SACM1L: variants seen among roughly 807,000 people sequenced by gnomAD.
The protein encoded by SACM1L is phosphatidylinositol-3-phosphatase SAC1.
Under a neutral mutation model 89.5 loss-of-function variants are expected in SACM1L, and 32 were observed. The ratio of observed to expected loss-of-function variants is 0.36; its 90% CI spans 0.27 to 0.48. The LOEUF (loss-of-function observed/expected upper bound fraction) is 0.48, where lower values mean the gene tolerates loss of function less well. Among genes scored for constraint, SACM1L ranks in the 20% least tolerant of loss-of-function variants. The pLI, the probability that SACM1L is intolerant of heterozygous loss-of-function variation, is 0.99. For synonymous variants in SACM1L, 213 were observed against 232.8 expected, an observed-to-expected ratio of 0.92 and a Z score of 0.77; for missense variants, 543 against 708.5, an observed-to-expected ratio of 0.77 and a Z score of 2.65.
intron 13 of SACM1L, 26 bp downstream of exon 13, chr3:45,732,177 G>C: frequency 7.1e-7 from 1 of 1,406,532 alleles, no homozygotes; most frequent in Non-Finnish European, 9.9e-7. Flanking sequence ...TCCTTAAGGA[G>C]GTAGAGGGAA....
Position 45,723,552 on chromosome 3 carries a change from C to CTT in SACM1L, c.921+10_921+11dup. The stretch of plus-strand genomic sequence containing the variant: ...AAGTTATAATCAATCTGGTATGTTT[C>CTT]TTATGTTTCTTGGGGGGAAAAAAAA... On this transcript the variant is annotated intron_variant, in intron 11 of 19. Transcript: ENST00000389061. 1 of 1,371,306 alleles carries CTT rather than the reference C, an allele frequency of 7.3e-7. No individual in the cohort carries two copies. The highest frequency in any genetic ancestry group is 9.9e-7 in the Non-Finnish European group (1 of 1,014,882). The allele number at this position is 1,371,306 out of a possible 1,614,324, so 84.9% of individuals were successfully genotyped here. A position where few individuals can be genotyped will look rare whatever the true frequency, so the allele number is the denominator to read the frequency against.
At position 45,745,012 on chromosome 3, in the gene SACM1L, T is replaced by G. The variant is rs185502542; in HGVS notation, c.*1343T>G. 4.0e-5 allele frequency: 6 copies of G among 151,318 alleles called. No homozygotes were observed. The East Asian group carries it at 1.4e-3, about 35-fold the overall frequency. 9.4% of individuals were successfully genotyped at this position (151,318 alleles called of 1,614,324 possible). On this transcript the variant is annotated 3_prime_UTR_variant, in exon 20 of 20. Transcript: ENST00000389061. ...CACTATCTTTTATAAAACATTAATATAAGTCGTTACTTTTAGAAACTAAAG... is the reference window on the plus strand; with the variant it reads ...CACTATCTTTTATAAAACATTAATAGAAGTCGTTACTTTTAGAAACTAAAG...
chr3:45,737,341 C>T, intron 14 of SACM1L: 1 of 532,670 alleles, frequency 1.9e-6, no homozygotes, highest in Admixed American at 3.8e-5. Flanking sequence ...TATAGTCCTG[C>T]TGCTATCCCT....
chr3:45,699,855 G>GC (rs1698226323), intron 1 of SACM1L, among the ~76,000 whole-genome samples: 1 of 151,934 alleles, frequency 6.6e-6, no homozygotes, highest in South Asian at 2.1e-4. Context: ...AATGGAGATA[G>GC]TTTTTTTTCT....
intron 17 of SACM1L, 42 bp downstream of exon 17, chr3:45,738,713 A>G (rs1183478799): frequency 5.2e-6 from 8 of 1,528,410 alleles, no homozygotes; most frequent in Non-Finnish European, 7.3e-6. Flanking sequence ...ACGTGGTTGT[A>G]TCTTTGCATT....
At chr3:45,707,515 G>A (rs1698426620) in intron 4 of SACM1L, among the ~76,000 whole-genome samples, 1 of 152,160 alleles carries the variant, frequency 6.6e-6, no homozygotes, top group Non-Finnish European at 1.5e-5. Flanking sequence ...CAACAACTCT[G>A]GAAGAGAAAT....
chr3:45,739,593 A>C lies in SACM1L; in HGVS notation c.1576A>C (p.Ile526Leu). The C allele has an allele frequency of 6.2e-7, 1 of 1,614,014 alleles. No homozygotes were observed. Among genetic ancestry groups the C allele is most frequent in the Middle Eastern group, 1.6e-4 (1 of 6,062 alleles). The change falls in exon 19 of 20, where the codon ATT becomes CTT. Residue 526 changes from isoleucine (I) to leucine (L), a missense_variant. Physicochemically the swap from Ile to Leu is conservative, Grantham distance 5 (BLOSUM62 2). This residue lies in a region of SACM1L where 370 missense variants were observed against 527.6 expected (regional missense o/e 0.70). Coordinates refer to ENST00000389061, the MANE Select transcript of SACM1L (RefSeq NM_014016.5). ...PRDWKFLALPIIMVVAFSMCI... is the reference protein window; with the variant it reads ...PRDWKFLALPLIMVVAFSMCI... ...TTTCTATTGTCTTTTCCAGTTGCCT[A>C]TTATCATGGTTGTTGCCTTTTCAAT...
At chr3:45,733,467 C>T (rs1026332130) in intron 13 of SACM1L, among the ~76,000 whole-genome samples, 5 of 152,060 alleles carry the variant, frequency 3.3e-5, no homozygotes, top group Non-Finnish European at 7.4e-5. Flanking sequence ...TATAAGTATT[C>T]ATGGGGTACG....
intron 1 of SACM1L, chr3:45,689,758 C>T (rs1697923616): frequency 6.8e-6 from 4 of 585,762 alleles, no homozygotes; most frequent in Non-Finnish European, 1.2e-5. Flanking sequence ...CGACTGGCCC[C>T]CACCGAGCCG....
rs72884178 is a variant in SACM1L at position 45,698,355 on chromosome 3, C to G, written c.33-5083C>G. 9.6e-3 allele frequency among the ~76,000 whole-genome samples: 1,455 copies of G among 152,246 alleles called. 28 individuals carry two copies. The highest frequency in any genetic ancestry group is 0.032 in the African/African-American group (1,322 of 41,532). On this transcript the variant is annotated intron_variant, in intron 1 of 19. Transcript: ENST00000389061. ...TGTTGATTCCCTGGCAGTCACTGTT[C>G]ACATTTTCATTGCTCCAATTCTTAA...
intron 12 of SACM1L, 43 bp downstream of exon 12, chr3:45,731,423 G>A (rs773330602): frequency 7.5e-7 from 1 of 1,337,208 alleles, no homozygotes; most frequent in Admixed American, 1.7e-5. Context: ...CAGATCAGAT[G>A]TGCACTTACA....
chr3:45,715,035 A>AT (rs1484195404), intron 7 of SACM1L, among the ~76,000 whole-genome samples: 1 of 152,238 alleles, frequency 6.6e-6, no homozygotes, highest in Non-Finnish European at 1.5e-5. Flanking sequence ...TATTTAGTAC[A>AT]GTAACATGCT....
intron 1 of SACM1L, among the ~76,000 whole-genome samples, chr3:45,690,745 A>C (rs2742420): frequency 6.6e-6 from 1 of 151,928 alleles, no homozygotes; most frequent in Admixed American, 6.6e-5. Context: ...ACCTTTCCCT[A>C]TTTTCTCCCA....
At chr3:45,722,810 T>G in intron 9 of SACM1L, 59 bp from the exon 10 acceptor site, 1 of 1,270,538 alleles carries the variant, frequency 7.9e-7, no homozygotes, top group Non-Finnish European at 1.1e-6. Flanking sequence ...TGACAATAAG[T>G]AAGGTGAGAA....
chr3:45,720,238 A>AT (rs1698757440), intron 8 of SACM1L, among the ~76,000 whole-genome samples: 1 of 152,170 alleles, frequency 6.6e-6, no homozygotes. Flanking sequence ...GAAGAATAAC[A>AT]TTGAGTGAGT....
rs1422568051 is a variant in SACM1L at position 45,744,214 on chromosome 3, T to C, written c.*545T>C. The C allele has an allele frequency of 6.6e-6, 1 of 152,316 alleles. No homozygotes were observed. The highest frequency in any genetic ancestry group is 1.5e-5 in the Non-Finnish European group (1 of 68,098). The allele number at this position is 152,316 out of a possible 1,614,324, so 9.4% of individuals were successfully genotyped here. On this transcript the variant is annotated 3_prime_UTR_variant, in exon 20 of 20. Transcript: ENST00000389061. ...TTTGATGAGACAGTCTGTGACTTCA[T>C]GATAGGAAAGAGGAGGATGAGGTCT...
chr3:45,743,578 T>C lies in SACM1L; in HGVS notation c.1673T>C (p.Val558Ala). The change falls in exon 20 of 20, where the codon GTT (valine) becomes GCT (alanine). Residue 558 changes from valine (V) to alanine (A), a missense_variant. By Grantham distance (64) the Val-to-Ala change is moderately conservative. Around this residue, in one of 2 missense-constraint regions of SACM1L, gnomAD observed 370 missense variants for 527.6 expected, o/e 0.70. Transcript: ENST00000389061. ...ETLAYVLFWGVASIGTFFIIL... is the reference protein window; with the variant it reads ...ETLAYVLFWGAASIGTFFIIL... ...CTGGCCTATGTGCTCTTCTGGGGAGTTGCAAGCATTGGAACATTTTTTATC... is the reference window on the plus strand; with the variant it reads ...CTGGCCTATGTGCTCTTCTGGGGAGCTGCAAGCATTGGAACATTTTTTATC... 6.2e-7 allele frequency: 1 copy of C among 1,614,024 alleles called. No homozygotes were observed.
chr3:45,719,652 C>T (rs764487206), intron 8 of SACM1L, 51 bp downstream of exon 8: 8 of 1,053,848 alleles, frequency 7.6e-6, no homozygotes, highest in South Asian at 5.8e-5. Context: ...TTTTGTCTTA[C>T]GGTGACACGA....
chr3:45,739,536 G>A (rs1040028023), intron 18 of SACM1L, 51 bp from the exon 19 acceptor site: 1 of 1,547,200 alleles, frequency 6.5e-7, no homozygotes, highest in African/African-American at 1.4e-5. Flanking sequence ...TGATTTTGCT[G>A]CCATTGATTA....
Sources: gnomAD v4.1 joint callset for allele counts (sites outside exome capture counted in the v4.1 genomes callset) on GRCh38, gnomAD v4.1.1 for gene constraint, gnomAD v4.1.1 regional missense constraint, MANE v1.5 for transcripts, NCBI Gene and HGNC (gene_info 2026-07-23, HGNC 2026-07-21) for gene names.